The following KRABD5 variants were observed in gnomAD, a reference collection of about 807,000 sequenced individuals.
KRABD5 encodes KRAB domain-containing protein 5.
chr16:31,719,410 GAAAC>G, the KRABD5 span, among the ~76,000 whole-genome samples: 5 of 152,204 alleles, frequency 3.3e-5, no homozygotes, highest in South Asian at 2.1e-4. Context: ...ACTTAAGGAT[GAAAC>G]AAACAGTTAA....
At chr16:31,728,786 A>G in the KRABD5 span, among the ~76,000 whole-genome samples, 7 of 152,146 alleles carry the variant, frequency 4.6e-5, no homozygotes, top group African/African-American at 1.7e-4. Flanking sequence ...GTTGGATGGG[A>G]TGTTATATGT....
the KRABD5 span, among the ~76,000 whole-genome samples, chr16:31,737,920 T>C: frequency 0.13 from 20,274 of 152,152 alleles, 1,780 homozygotes; most frequent in South Asian, 0.32. Context: ...TTAGGTAGTA[T>C]TGACATCTTA....
the KRABD5 span, chr16:31,733,539 A>T: frequency 2.2e-6 from 1 of 456,110 alleles, no homozygotes; most frequent in African/African-American, 2.0e-5. Flanking sequence ...ATTAAACAAC[A>T]AATTGTCCTT....
At chr16:31,715,780 A>G in the KRABD5 span, among the ~76,000 whole-genome samples, 2 of 152,146 alleles carry the variant, frequency 1.3e-5, no homozygotes, top group African/African-American at 4.8e-5. Flanking sequence ...GCTGGTGTTC[A>G]GCAAACTCCA....
At chr16:31,724,667 G>C in the KRABD5 span, among the ~76,000 whole-genome samples, 2 of 150,016 alleles carry the variant, frequency 1.3e-5, no homozygotes, top group African/African-American at 2.5e-5. Context: ...ACTCCAGCCT[G>C]GGTGACAGAG....
At chr16:31,727,270 C>CT in the KRABD5 span, among the ~76,000 whole-genome samples, 2 of 152,026 alleles carry the variant, frequency 1.3e-5, no homozygotes, top group Non-Finnish European at 2.9e-5. Flanking sequence ...CCTTTTATTT[C>CT]TTTTTTTTAC....
the KRABD5 span, among the ~76,000 whole-genome samples, chr16:31,746,139 G>A: frequency 2.0e-5 from 3 of 152,152 alleles, no homozygotes; most frequent in African/African-American, 7.2e-5. Flanking sequence ...ATCGTTATGT[G>A]TGAATTTGAT....
chr16:31,713,848 G>A, the KRABD5 span, among the ~76,000 whole-genome samples: 2 of 152,198 alleles, frequency 1.3e-5, no homozygotes, highest in Non-Finnish European at 2.9e-5. Context: ...GTTGATTTAG[G>A]TAAACAGCGA....
the KRABD5 span, among the ~76,000 whole-genome samples, chr16:31,728,355 G>A: frequency 1.3e-5 from 2 of 151,794 alleles, no homozygotes; most frequent in African/African-American, 4.8e-5. Context: ...TTTTGTTCAT[G>A]TTCAAGTTTC....
the KRABD5 span, among the ~76,000 whole-genome samples, chr16:31,717,570 A>G: frequency 6.6e-6 from 1 of 152,316 alleles, no homozygotes; most frequent in Non-Finnish European, 1.5e-5. Context: ...TGGTGCTGTC[A>G]GGTCTTCTAT....
At chr16:31,761,432 T>G in the KRABD5 span, 1 of 152,210 alleles carries the variant, frequency 6.6e-6, no homozygotes, top group African/African-American at 2.4e-5. Context: ...TATCTCTGTT[T>G]AATTTAGTGG....
chr16:31,725,108 T>TTTTATTTATTTA, the KRABD5 span, among the ~76,000 whole-genome samples: 1 of 150,288 alleles, frequency 6.7e-6, no homozygotes, highest in South Asian at 2.1e-4. Context: ...AACATACTGA[T>TTTTATTTATTTA]TTTATTTATT....
chr16:31,734,235 CT>C, the KRABD5 span, among the ~76,000 whole-genome samples: 1,512 of 138,886 alleles, frequency 0.011, 8 homozygotes, highest in African/African-American at 0.023. Flanking sequence ...TCTCTTCTAA[CT>C]TTTTTTTTTT....
chr16:31,722,186 G>T, the KRABD5 span, among the ~76,000 whole-genome samples: 18 of 152,220 alleles, frequency 1.2e-4, 1 homozygote, highest in South Asian at 2.3e-3. Flanking sequence ...TGATTCTCCT[G>T]CCTCAGGTTC....
At chr16:31,740,532 G>A in the KRABD5 span, among the ~76,000 whole-genome samples, 2 of 152,080 alleles carry the variant, frequency 1.3e-5, no homozygotes, top group Non-Finnish European at 2.9e-5. Context: ...ATTTTGCTAG[G>A]CAGAGTGGTG....
the KRABD5 span, among the ~76,000 whole-genome samples, chr16:31,715,884 C>T: frequency 6.6e-6 from 1 of 152,202 alleles, no homozygotes; most frequent in Non-Finnish European, 1.5e-5. Flanking sequence ...TGCACACAGA[C>T]TGTCACCCTA....
At chr16:31,742,088 GATGATTGT>G in the KRABD5 span, among the ~76,000 whole-genome samples, 254 of 152,032 alleles carry the variant, frequency 1.7e-3, no homozygotes, top group African/African-American at 5.7e-3. Flanking sequence ...TGGAACATCA[GATGATTGT>G]AAGTGTGTGC....
chr16:31,738,576 C>A, the KRABD5 span, among the ~76,000 whole-genome samples: 1 of 151,924 alleles, frequency 6.6e-6, no homozygotes, highest in Non-Finnish European at 1.5e-5. Context: ...GTTCTTAGAT[C>A]TAAAGTTGGT....
At chr16:31,730,034 T>A in the KRABD5 span, among the ~76,000 whole-genome samples, 1 of 152,222 alleles carries the variant, frequency 6.6e-6, no homozygotes, top group East Asian at 1.9e-4. Flanking sequence ...ATAGTTCTTA[T>A]ACTAGAATTA....
Sources: allele counts gnomAD v4.1 joint callset (sites outside exome capture counted in the v4.1 genomes callset), GRCh38; gene constraint gnomAD v4.1.1; transcripts MANE v1.5; gene names NCBI Gene and HGNC (gene_info 2026-07-23, HGNC 2026-07-21).